The following HS3ST4 variants were observed in gnomAD, a reference collection of about 807,000 sequenced individuals.
HS3ST4 encodes the protein heparan sulfate-glucosamine 3-sulfotransferase 4.
HS3ST4 carries 17 observed loss-of-function variants against 29.2 expected under a neutral mutation model. The ratio of observed to expected loss-of-function variants is 0.58; its 90% confidence interval spans 0.40 to 0.87. The LOEUF (loss-of-function observed/expected upper bound fraction) is 0.87, where lower values mean the gene tolerates loss of function less well. Among genes scored for constraint, HS3ST4 ranks in the 40% least tolerant of loss-of-function variants. The pLI is 0.00. For synonymous variants in HS3ST4, 314 were observed against 285.7 expected (o/e 1.10, Z -1.00); for missense variants, 627 against 634.5 (o/e 0.99, Z 0.13).
At chr16:25,895,785 A>T (rs1013023481) in intron 1 of HS3ST4, among the ~76,000 whole-genome samples, 1 of 152,130 alleles carries the variant, frequency 6.6e-6, no homozygotes, top group African/African-American at 2.4e-5. Flanking sequence ...GTCTCTTCTT[A>T]TAAGGGCATA....
At chr16:25,760,662 A>C (rs1966783631) in intron 1 of HS3ST4, among the ~76,000 whole-genome samples, 1 of 151,936 alleles carries the variant, frequency 6.6e-6, no homozygotes, top group Non-Finnish European at 1.5e-5. Flanking sequence ...CAAATGATCC[A>C]CCCACCTTGG....
At chr16:25,931,876 G>T (rs1968467055) in intron 1 of HS3ST4, among the ~76,000 whole-genome samples, 1 of 152,210 alleles carries the variant, frequency 6.6e-6, no homozygotes, top group Admixed American at 6.5e-5. Flanking sequence ...CAGCTTGGAG[G>T]GGTCACATGG....
chr16:25,820,025 A>C (rs1452049969), intron 1 of HS3ST4, among the ~76,000 whole-genome samples: 1 of 95,944 alleles, frequency 1.0e-5, no homozygotes, highest in Non-Finnish European at 2.6e-5. Flanking sequence ...AAAAAAAAAA[A>C]AAAAAAAAAA....
Position 26,120,937 on chromosome 16 carries a change from A to G in HS3ST4, c.735-14675A>G, listed in dbSNP as rs1239272205. On this transcript the variant is annotated intron_variant, in intron 1 of 1. Coordinates refer to ENST00000331351, the MANE Select transcript of HS3ST4 (RefSeq NM_006040.3). ...AATGAAGAAATGGGCTTCATGTGTA[A>G]TAGCGACAATAATTAACACGCGTAC... Among the ~76,000 whole-genome samples the G allele has an allele frequency of 2.6e-5, 4 of 152,238 alleles. No individual in the cohort carries two copies. The East Asian group carries it at 7.7e-4, about 29-fold the overall frequency.
chr16:25,692,633 C>T lies in HS3ST4; in HGVS notation c.216C>T (p.Ala72=), dbSNP rs1209391434. The T allele has an allele frequency of 1.5e-5, 20 of 1,365,578 alleles. No homozygotes were observed. The highest frequency in any genetic ancestry group is 1.9e-5 in the Non-Finnish European group (20 of 1,049,486). 84.6% of individuals were successfully genotyped at this position (1,365,578 alleles called of 1,614,324 possible). Residue 72 remains alanine, a synonymous_variant, in exon 1 of 2, where the codon GCC becomes GCT. Transcript: ENST00000331351. ...PLALQESPGA[A]AEPPPSPPPP... is the part of the protein sequence containing the mutation. ...CGCTGCAGGAGTCGCCGGGCGCCGC[C>T]GCCGAGCCCCCGCCGAGCCCGCCGC...
chr16:25,951,194 A>G (rs1968680944), intron 1 of HS3ST4, among the ~76,000 whole-genome samples: 1 of 152,202 alleles, frequency 6.6e-6, no homozygotes, highest in African/African-American at 2.4e-5. Context: ...AGCAGCAGGC[A>G]TTCCTACATG....
intron 1 of HS3ST4, among the ~76,000 whole-genome samples, chr16:26,104,640 A>G (rs1321697841): frequency 5.3e-5 from 8 of 152,166 alleles, no homozygotes; most frequent in Non-Finnish European, 2.9e-5. Context: ...ATATCTCCCA[A>G]TCCAGATCTA....
chr16:26,108,648 T>G (rs561075251), intron 1 of HS3ST4, among the ~76,000 whole-genome samples: 1 of 152,312 alleles, frequency 6.6e-6, no homozygotes, highest in African/African-American at 2.4e-5. Context: ...GAGGATCATT[T>G]TAAGGATTAA....
At chr16:25,886,276 G>A (rs934238455) in intron 1 of HS3ST4, among the ~76,000 whole-genome samples, 4 of 151,906 alleles carry the variant, frequency 2.6e-5, no homozygotes, top group Admixed American at 1.3e-4. Context: ...CAAGTGATCC[G>A]CCTGCCTCGG....
intron 1 of HS3ST4, among the ~76,000 whole-genome samples, chr16:26,017,615 T>TTACTGTTAAATGAGAATC: frequency 6.6e-6 from 1 of 152,176 alleles, no homozygotes; most frequent in South Asian, 2.1e-4. Context: ...TAATGAGGAT[T>TTACTGTTAAATGAGAATC]TACTGTTAAA....
At chr16:25,911,052 G>A (rs181267437) in intron 1 of HS3ST4, among the ~76,000 whole-genome samples, 15 of 152,300 alleles carry the variant, frequency 9.8e-5, no homozygotes, top group African/African-American at 3.1e-4. Context: ...CAATGGAGCT[G>A]TAAGGGCCAA....
intron 1 of HS3ST4, among the ~76,000 whole-genome samples, chr16:26,088,829 G>A (rs1022191944): frequency 6.6e-6 from 1 of 152,192 alleles, no homozygotes; most frequent in African/African-American, 2.4e-5. Context: ...CTCAGTGTCA[G>A]ATGCTTTGGA....
intron 1 of HS3ST4, among the ~76,000 whole-genome samples, chr16:25,881,329 T>C (rs557141971): frequency 6.6e-6 from 1 of 152,176 alleles, no homozygotes; most frequent in East Asian, 1.9e-4. Context: ...CTCAACTCTT[T>C]AGAATTTCAT....
At chr16:25,843,577 G>A (rs573743680) in intron 1 of HS3ST4, among the ~76,000 whole-genome samples, 1 of 152,284 alleles carries the variant, frequency 6.6e-6, no homozygotes, top group East Asian at 1.9e-4. Flanking sequence ...ATGGTTCATT[G>A]CAGGGAAAAA....
chr16:25,922,093 A>G (rs539789316), intron 1 of HS3ST4, among the ~76,000 whole-genome samples: 8 of 152,094 alleles, frequency 5.3e-5, no homozygotes, highest in Non-Finnish European at 1.2e-4. Flanking sequence ...AGAACAAGCT[A>G]ATGGCCATGG....
chr16:26,021,883 T>G (rs1969416922), intron 1 of HS3ST4, among the ~76,000 whole-genome samples: 1 of 151,954 alleles, frequency 6.6e-6, no homozygotes, highest in African/African-American at 2.4e-5. Flanking sequence ...AGGCTGGTAT[T>G]GATCTCCTGA....
At chr16:25,719,290 G>A (rs1271966555) in intron 1 of HS3ST4, among the ~76,000 whole-genome samples, 3 of 152,238 alleles carry the variant, frequency 2.0e-5, no homozygotes, top group Non-Finnish European at 4.4e-5. Context: ...TTCTTTACCA[G>A]GTGTTGTACG....
chr16:25,865,553 A>G (rs1348586060), intron 1 of HS3ST4, among the ~76,000 whole-genome samples: 3 of 152,214 alleles, frequency 2.0e-5, no homozygotes, highest in Admixed American at 6.5e-5. Flanking sequence ...GAGGCATCAC[A>G]CTACCTGATT....
chr16:25,723,846 G>T (rs11646671), intron 1 of HS3ST4, among the ~76,000 whole-genome samples: 3 of 152,156 alleles, frequency 2.0e-5, no homozygotes, highest in Admixed American at 1.3e-4. Context: ...GGGTGCAGTG[G>T]CTCACGCCTG....
Sources: allele counts gnomAD v4.1 joint callset (sites outside exome capture counted in the v4.1 genomes callset), GRCh38; gene constraint gnomAD v4.1.1; transcripts MANE v1.5; gene names NCBI Gene and HGNC (gene_info 2026-07-23, HGNC 2026-07-21).